CCNY: variants seen among roughly 807,000 people sequenced by gnomAD.
CCNY encodes cyclin-Y.
Under a neutral mutation model 42.8 loss-of-function variants are expected in CCNY, and 19 were observed. The observed-to-expected ratio is 0.44, with a 90% CI of 0.31 to 0.65. The LOEUF is 0.65. Ranked by LOEUF, CCNY falls within the 30% of genes least tolerant of loss-of-function variation. CCNY has a pLI of 0.07. For missense variants in CCNY, 370 were observed against 437.3 expected (o/e 0.85, Z 1.37); for synonymous variants, 165 against 162.7 (o/e 1.01, Z -0.11).
At chr10:35,478,221 A>G (rs1404610019) in intron 1 of CCNY, among the ~76,000 whole-genome samples, 1 of 148,494 alleles carries the variant, frequency 6.7e-6, no homozygotes, top group Non-Finnish European at 1.5e-5. Flanking sequence ...GCCCAAGGTA[A>G]TTTACAGATT....
intron 1 of CCNY, among the ~76,000 whole-genome samples, chr10:35,477,700 T>A (rs1464285066): frequency 6.6e-6 from 1 of 150,496 alleles, no homozygotes; most frequent in Non-Finnish European, 1.5e-5. Flanking sequence ...GGGCAAAAAC[T>A]GGAAGCATTC....
At chr10:35,551,231 A>C (rs908671498) in intron 7 of CCNY, among the ~76,000 whole-genome samples, 5 of 152,172 alleles carry the variant, frequency 3.3e-5, no homozygotes, top group Non-Finnish European at 7.3e-5. Flanking sequence ...AGAACTTCCT[A>C]AAGTTCAGCC....
intron 3 of CCNY, among the ~76,000 whole-genome samples, chr10:35,291,624 G>A (rs1417546546): frequency 4.8e-5 from 7 of 146,792 alleles, no homozygotes; most frequent in South Asian, 2.2e-4. Context: ...TCTACCTCCC[G>A]GGTCCTGGTT....
intron 1 of CCNY, among the ~76,000 whole-genome samples, chr10:35,392,805 G>A (rs1837441711): frequency 6.6e-6 from 1 of 152,188 alleles, no homozygotes; most frequent in Admixed American, 6.5e-5. Flanking sequence ...GAGGACTTTA[G>A]TTGTGGCCAT....
Position 35,338,444 on chromosome 10 carries a change from TA to T in CCNY, c.154+1238del, listed in dbSNP as rs1008779169. On this transcript the variant is annotated intron_variant, in intron 1 of 9. Coordinates refer to ENST00000374704, the MANE Select transcript of CCNY (RefSeq NM_145012.6). ...TTCCATATGACGTGTCTAGTGTTGT[TA>T]TTTTAGATTTCCATTATTTTAAACA... Among the ~76,000 whole-genome samples the T allele has an allele frequency of 1.4e-4, 22 of 152,348 alleles. No homozygotes were observed. In the Middle Eastern group the frequency reaches 0.01, roughly 71 times the overall value.
intron 3 of CCNY, among the ~76,000 whole-genome samples, chr10:35,281,774 T>C (rs924482683): frequency 1.3e-5 from 2 of 152,222 alleles, no homozygotes; most frequent in African/African-American, 4.8e-5. Context: ...GAACTACTGA[T>C]ACATGCTACG....
At chr10:35,376,032 G>C (rs1183284121) in intron 1 of CCNY, among the ~76,000 whole-genome samples, 1 of 152,194 alleles carries the variant, frequency 6.6e-6, no homozygotes, top group Non-Finnish European at 1.5e-5. Flanking sequence ...TGCCTTGGAA[G>C]CTCTGAGGGG....
chr10:35,458,731 G>A (rs998515488), intron 1 of CCNY, among the ~76,000 whole-genome samples: 4 of 152,224 alleles, frequency 2.6e-5, no homozygotes, highest in Admixed American at 6.5e-5. Context: ...AGCCAAGCCC[G>A]TCCTGAATTG....
In CCNY at chr10:35,533,044, C is replaced by T. The variant is rs188002809; in HGVS notation, c.579+2801C>T. ...CTTTGGGCTGCTTCTCTCACCTTTG[C>T]GCACTGCTGTGGCTCTGGGGCCTTA... On this transcript the variant is annotated intron_variant, in intron 7 of 9. Coordinates refer to ENST00000374704, the MANE Select transcript of CCNY (RefSeq NM_145012.6). Among the ~76,000 whole-genome samples the T allele has an allele frequency of 5.8e-4, 89 of 152,338 alleles. 1 individual carries two copies. The East Asian group carries it at 0.01, about 18-fold the overall frequency.
chr10:35,406,186 T>C (rs1274426697), intron 1 of CCNY, among the ~76,000 whole-genome samples: 2 of 147,844 alleles, frequency 1.4e-5, no homozygotes, highest in African/African-American at 5.0e-5. Flanking sequence ...TTTTTCTTTT[T>C]TTTTTTCTTT....
At chr10:35,445,010 G>A (rs1035494259) in intron 1 of CCNY, among the ~76,000 whole-genome samples, 21 of 152,192 alleles carry the variant, frequency 1.4e-4, no homozygotes, top group African/African-American at 4.8e-4. Context: ...TGGCTTCAGG[G>A]TGATCAGTGG....
intron 7 of CCNY, among the ~76,000 whole-genome samples, chr10:35,547,131 C>A (rs993553285): frequency 6.6e-6 from 1 of 152,110 alleles, no homozygotes; most frequent in African/African-American, 2.4e-5. Context: ...GCCTGGGGCC[C>A]TAAGATCAGT....
chr10:35,428,450 C>T (rs543957770), intron 1 of CCNY, among the ~76,000 whole-genome samples: 9 of 152,274 alleles, frequency 5.9e-5, no homozygotes, highest in Non-Finnish European at 1.2e-4. Context: ...AATGAGAGAG[C>T]GTGCACATGT....
chr10:35,473,727 T>G (rs111490387), intron 1 of CCNY, among the ~76,000 whole-genome samples: 1,583 of 152,344 alleles, frequency 0.01, 24 homozygotes, highest in African/African-American at 0.036. Context: ...AGTATTCCAT[T>G]AATTTATTAC....
intron 1 of CCNY, among the ~76,000 whole-genome samples, chr10:35,353,050 C>T (rs1357869591): frequency 2.6e-5 from 4 of 152,126 alleles, no homozygotes; most frequent in Non-Finnish European, 5.9e-5. Context: ...TTTAGCCTCC[C>T]GAGTAGCTGG....
intron 1 of CCNY, among the ~76,000 whole-genome samples, chr10:35,345,117 T>C (rs1397005583): frequency 6.6e-6 from 1 of 152,160 alleles, no homozygotes; most frequent in Non-Finnish European, 1.5e-5. Context: ...GGCGAAATGG[T>C]ATTTCTAGTT....
chr10:35,252,843 C>G (rs2095712917), intron 3 of CCNY, among the ~76,000 whole-genome samples: 1 of 152,042 alleles, frequency 6.6e-6, no homozygotes, highest in African/African-American at 2.4e-5. Context: ...AGTCTTAATT[C>G]ATTAAGAAAC....
chr10:35,323,230 C>T (rs934960595), intron 3 of CCNY, among the ~76,000 whole-genome samples: 1 of 152,108 alleles, frequency 6.6e-6, no homozygotes, highest in Non-Finnish European at 1.5e-5. Flanking sequence ...CACTCGGCTG[C>T]CATTTCTTTT....
chr10:35,569,060 TCTCGC>T lies in CCNY; in HGVS notation c.920_924del (p.Arg307LeufsTer52). On this transcript the variant is annotated frameshift_variant, in exon 10 of 10. Transcript: ENST00000374704. LOFTEE classifies it high-confidence loss of function. Reference sequence around the variant, plus strand: ...TGTCTTTCTTGCCCCTCAGGCCATCTCTCGCCTCTGCGAGGACAAGTACAAGGACC... The same window carrying T: ...TGTCTTTCTTGCCCCTCAGGCCATCTCTCTGCGAGGACAAGTACAAGGACC... 6.2e-7 allele frequency: 1 copy of T among 1,609,232 alleles called. No homozygotes were observed.
Sources: allele counts gnomAD v4.1 joint callset (sites outside exome capture counted in the v4.1 genomes callset), GRCh38; gene constraint gnomAD v4.1.1; transcripts MANE v1.5; gene names NCBI Gene and HGNC (gene_info 2026-07-23, HGNC 2026-07-21).